The following HEPH variants were observed in gnomAD, a reference collection of about 807,000 sequenced individuals.
The protein encoded by HEPH is hephaestin.
HEPH carries 69 observed loss-of-function variants against 80.8 expected under a neutral mutation model. The ratio of observed to expected loss-of-function variants is 0.85; its 90% CI spans 0.70 to 1.04. The LOEUF (loss-of-function observed/expected upper bound fraction) is 1.04, where lower values mean the gene tolerates loss of function less well. Among genes scored for constraint, HEPH ranks in the 50% least tolerant of loss-of-function variants. HEPH has a pLI of 0.00. For synonymous variants in HEPH, 431 were observed against 322.8 expected (o/e 1.34, Z -3.60); for missense variants, 1,115 against 891.3 (o/e 1.25, Z -3.20).
At chrX:66,255,983 A>G in intron 16 of HEPH, 122 bp from the exon 17 acceptor site, 1 of 466,806 alleles carries the variant, frequency 2.1e-6, no homozygotes, top group Non-Finnish European at 3.7e-6. Context: ...TAAATGTAAG[A>G]TATCATGAGG....
intron 15 of HEPH, among the ~76,000 whole-genome samples, chrX:66,219,593 A>G (rs1015317324): frequency 1.8e-5 from 2 of 111,609 alleles, no homozygotes; most frequent in Non-Finnish European, 3.8e-5. Flanking sequence ...GGGGTCGGGT[A>G]TCCCCACGAG....
intron 15 of HEPH, among the ~76,000 whole-genome samples, chrX:66,253,675 A>C (rs1243401696): frequency 8.9e-6 from 1 of 112,194 alleles, no homozygotes; most frequent in Non-Finnish European, 1.9e-5. Context: ...AATAACTAAA[A>C]AGTGGAAATG....
Position 66,260,325 on chromosome X carries a change from G to A in HEPH, c.3199+63G>A. 4.1e-6 allele frequency: 4 copies of A among 968,920 alleles called. No individual in the cohort carries two copies. The Admixed American group carries it at 7.2e-5, about 17-fold the overall frequency. 79.8% of individuals were successfully genotyped at this position (968,920 alleles called of 1,213,427 possible). A position where few individuals can be genotyped will look rare whatever the true frequency, so the allele number is the denominator to read the frequency against. On this transcript the variant is annotated intron_variant, in intron 19 of 20. Transcript: ENST00000343002. ...ACTTTATCTAGCCTATAGGAAGCAG[G>A]TAATACCAAAAAGCCTCTTGATTGT...
intron 12 of HEPH, 123 bp from the exon 13 acceptor site, chrX:66,203,241 G>A (rs866233095): frequency 1.9e-6 from 1 of 532,001 alleles, no homozygotes; most frequent in Non-Finnish European, 3.1e-6. Flanking sequence ...TAAGGCAAGA[G>A]CCTTATCTGA....
chrX:66,255,801 G>A (rs1311390015), intron 16 of HEPH, among the ~76,000 whole-genome samples: 2 of 111,307 alleles, frequency 1.8e-5, no homozygotes, highest in African/African-American at 6.5e-5. Flanking sequence ...GATGGAGAGG[G>A]CATTGCAGGC....
intron 4 of HEPH, among the ~76,000 whole-genome samples, chrX:66,187,676 T>C (rs1363515521): frequency 9.0e-6 from 1 of 110,997 alleles, no homozygotes; most frequent in Non-Finnish European, 1.9e-5. Flanking sequence ...GCAGTCCATT[T>C]CCTTCAGAGG....
At chrX:66,237,697 T>C (rs1318284622) in intron 15 of HEPH, among the ~76,000 whole-genome samples, 1 of 112,177 alleles carries the variant, frequency 8.9e-6, no homozygotes, top group Non-Finnish European at 1.9e-5. Flanking sequence ...GCCTCAGTGA[T>C]CAGTCTAATA....
chrX:66,162,868 C>T (rs1441267566), upstream of HEPH: 2 of 1,151,911 alleles, frequency 1.7e-6, no homozygotes, highest in African/African-American at 1.8e-5. Context: ...AAGATCTCCT[C>T]ATCACAAAGT....
At chrX:66,218,050 T>G (rs2089473338) in intron 15 of HEPH, among the ~76,000 whole-genome samples, 1 of 110,925 alleles carries the variant, frequency 9.0e-6, no homozygotes, top group Non-Finnish European at 1.9e-5. Context: ...AAACAAGACC[T>G]AAAAAATGAG....
chrX:66,203,359 C>A lies in HEPH; in HGVS notation c.2078-5C>A. 1 of 1,207,829 alleles carries A rather than the reference C, an allele frequency of 8.3e-7. No homozygotes were observed. On this transcript the variant is annotated splice_region_variant and splice_polypyrimidine_tract_variant and intron_variant, in intron 12 of 20. Transcript: ENST00000343002. ...GTCAGATTTTTCTCTCTGATCCTCC[C>A]TCAGGGACATTTGAGATTTATTGCC...
chrX:66,202,390 G>A (rs1483226889), intron 12 of HEPH, among the ~76,000 whole-genome samples: 1 of 111,543 alleles, frequency 9.0e-6, no homozygotes, highest in Non-Finnish European at 1.9e-5. Flanking sequence ...TGTAGTGATG[G>A]GATAAGCACT....
chrX:66,162,855 G>A, upstream of HEPH: 1 of 1,154,971 alleles, frequency 8.7e-7, no homozygotes, highest in Non-Finnish European at 1.1e-6. Context: ...TCTGCTCCTA[G>A]CCAAGATCTC....
intron 15 of HEPH, among the ~76,000 whole-genome samples, chrX:66,244,255 T>G (rs989293451): frequency 3.6e-5 from 4 of 112,301 alleles, no homozygotes; most frequent in Non-Finnish European, 7.5e-5. Context: ...ATGGATATTT[T>G]CAAGTGTGTT....
At chrX:66,228,328 G>A (rs2089977240) in intron 15 of HEPH, among the ~76,000 whole-genome samples, 1 of 112,515 alleles carries the variant, frequency 8.9e-6, no homozygotes, top group South Asian at 3.6e-4. Context: ...TTCAAGATGA[G>A]ATTCGTGTGG....
intron 15 of HEPH, among the ~76,000 whole-genome samples, chrX:66,229,445 T>C: frequency 9.0e-6 from 1 of 111,159 alleles, no homozygotes; most frequent in South Asian, 3.8e-4. Flanking sequence ...CTTTGGGGAT[T>C]CAGGGGAAAG....
At chrX:66,182,132 G>T (rs1254190096) in intron 4 of HEPH, among the ~76,000 whole-genome samples, 3 of 91,280 alleles carry the variant, frequency 3.3e-5, no homozygotes, top group African/African-American at 1.2e-4. Flanking sequence ...GTCAGGTAGT[G>T]TGATGCCTCC....
chrX:66,245,210 T>A (rs980359693), intron 15 of HEPH, among the ~76,000 whole-genome samples: 8 of 110,950 alleles, frequency 7.2e-5, no homozygotes, highest in African/African-American at 2.6e-4. Context: ...TCAAGACCCA[T>A]CAGTGTGCTG....
intron 15 of HEPH, among the ~76,000 whole-genome samples, chrX:66,251,898 A>T (rs997150752): frequency 8.9e-6 from 1 of 112,053 alleles, no homozygotes; most frequent in Non-Finnish European, 1.9e-5. Context: ...TTTTGTTTAG[A>T]TTTACTCACA....
Position 66,231,631 on chromosome X carries a change from T to A in HEPH, c.2563+23385T>A, listed in dbSNP as rs1239785244. On this transcript the variant is annotated intron_variant, in intron 15 of 20. Transcript: ENST00000343002. ...GTGATTTTTGTACATTGATTTTGTA[T>A]CCTGAGACTTTGCTGAAGTTGCTTA... Among the ~76,000 whole-genome samples, 4 of 109,943 alleles carry A rather than the reference T, an allele frequency of 3.6e-5. No individual in the cohort carries two copies. In the Admixed American group the frequency reaches 3.9e-4, roughly 11 times the overall value.
Sources: gnomAD v4.1 joint callset for allele counts (sites outside exome capture counted in the v4.1 genomes callset) on GRCh38, gnomAD v4.1.1 for gene constraint, MANE v1.5 for transcripts, NCBI Gene and HGNC (gene_info 2026-07-23, HGNC 2026-07-21) for gene names.